Variants in MAP3K13 observed in about 807,000 individuals in gnomAD.
The protein encoded by MAP3K13 is leucine zipper-bearing kinase.
Under a neutral mutation model 104.0 loss-of-function variants are expected in MAP3K13, and 52 were observed. That is an observed-to-expected ratio of 0.50 (90% CI 0.40 to 0.63). The LOEUF is 0.63. Ranked by LOEUF, MAP3K13 falls within the 20% of genes least tolerant of loss-of-function variation. MAP3K13 has a pLI of 0.00. For missense variants in MAP3K13, 914 were observed against 1,218.5 expected (o/e 0.75, Z 3.72); for synonymous variants, 394 against 442.2 (o/e 0.89, Z 1.37).
intron 2 of MAP3K13, among the ~76,000 whole-genome samples, chr3:185,352,573 TAAA>T (rs1723175789): frequency 1.3e-5 from 2 of 152,220 alleles, no homozygotes; most frequent in African/African-American, 4.8e-5. Flanking sequence ...TTTAAGCCAC[TAAA>T]ACAATTTTTA....
chr3:185,297,772 G>A (rs1287959821), intron 2 of MAP3K13, among the ~76,000 whole-genome samples: 1 of 151,012 alleles, frequency 6.6e-6, no homozygotes, highest in African/African-American at 2.4e-5. Flanking sequence ...AAAAGAAACA[G>A]GTTCTTATGT....
rs74919939 is a variant in MAP3K13, at chr3:185,364,363, C to G, written c.-86+995C>G. On this transcript the variant is annotated intron_variant, in intron 1 of 13. Transcript: ENST00000265026. ...CTGCCCCTGGGGCAGCTCCTCAACC[C>G]GAATAATCTGACAGCATTTCCCAAC... Among the ~76,000 whole-genome samples, 6 of 152,066 alleles carry G rather than the reference C, an allele frequency of 3.9e-5. No homozygotes were observed. The South Asian group carries it at 1.2e-3, about 32-fold the overall frequency.
At chr3:185,328,242 A>G (rs1425227382) in intron 2 of MAP3K13, among the ~76,000 whole-genome samples, 1 of 152,190 alleles carries the variant, frequency 6.6e-6, no homozygotes, top group East Asian at 1.9e-4. Context: ...GGGGAGGACT[A>G]TAGTGGAGAA....
At chr3:185,377,947 C>T (rs1399008577) in intron 1 of MAP3K13, among the ~76,000 whole-genome samples, 1 of 152,142 alleles carries the variant, frequency 6.6e-6, no homozygotes, top group Non-Finnish European at 1.5e-5. Context: ...GAATCCCGGG[C>T]TGCGGGCATT....
chr3:185,293,119 T>C (rs1216036637), intron 2 of MAP3K13: 3 of 875,234 alleles, frequency 3.4e-6, no homozygotes, highest in African/African-American at 3.6e-5. Flanking sequence ...CTTTTCCTTT[T>C]TCTTTTTCTT....
chr3:185,396,137 G>A (rs1008973872), intron 1 of MAP3K13, among the ~76,000 whole-genome samples: 1 of 152,128 alleles, frequency 6.6e-6, no homozygotes, highest in Admixed American at 6.5e-5. Context: ...TTGGGAGGCT[G>A]AGGCGGGTAG....
chr3:185,369,768 T>C (rs889099298), intron 1 of MAP3K13, among the ~76,000 whole-genome samples: 7 of 152,258 alleles, frequency 4.6e-5, no homozygotes, highest in Non-Finnish European at 2.9e-5. Flanking sequence ...CCTTGGTGTA[T>C]AGTAAAGTTT....
chr3:185,460,661 C>G (rs752655888), intron 7 of MAP3K13, among the ~76,000 whole-genome samples: 2 of 152,128 alleles, frequency 1.3e-5, no homozygotes, highest in Non-Finnish European at 2.9e-5. Flanking sequence ...AAATGGAACT[C>G]GAAATCAACA....
chr3:185,451,443 T>G (rs1481093173), intron 7 of MAP3K13, 48 bp downstream of exon 7: 3 of 1,258,390 alleles, frequency 2.4e-6, no homozygotes. Flanking sequence ...GATAGAGAAC[T>G]CTCAATGAAA....
chr3:185,477,602 C>G (rs1235845376), intron 12 of MAP3K13, among the ~76,000 whole-genome samples: 2 of 152,340 alleles, frequency 1.3e-5, no homozygotes, highest in Non-Finnish European at 2.9e-5. Context: ...ATTCATTTTA[C>G]AGCAACTTCA....
chr3:185,413,548 G>C (rs529448588), intron 1 of MAP3K13, among the ~76,000 whole-genome samples: 1 of 152,144 alleles, frequency 6.6e-6, no homozygotes, highest in East Asian at 1.9e-4. Context: ...GGGGCTGGGC[G>C]CGGTGGTTCA....
chr3:185,328,998 T>G, intron 2 of MAP3K13: 1 of 475,794 alleles, frequency 2.1e-6, no homozygotes, highest in East Asian at 3.1e-5. Flanking sequence ...TATTATGACA[T>G]TTTCATATAA....
In MAP3K13 at chr3:185,450,288, A is replaced by C. The variant is rs1715811240; in HGVS notation, c.1169+230A>C. Among the ~76,000 whole-genome samples the C allele has an allele frequency of 6.6e-6, 1 of 152,190 alleles. No homozygotes were observed. Among genetic ancestry groups the C allele is most frequent in the Non-Finnish European group, 1.5e-5 (1 of 68,030 alleles). ...GAGTTATTGTGTTGTAATTAATTAA[A>C]ATTTAGAAATAAAGAACTTGGTGTT... On this transcript the variant is annotated intron_variant, in intron 6 of 13. Coordinates refer to ENST00000265026, the MANE Select transcript of MAP3K13 (RefSeq NM_004721.5). The surrounding 1 kb of genome is among the most constrained non-coding windows in gnomAD (Gnocchi z 4.2).
At chr3:185,357,098 G>GT (rs1205660915) in intron 2 of MAP3K13, among the ~76,000 whole-genome samples, 1,586 of 147,248 alleles carry the variant, frequency 0.011, 20 homozygotes, top group African/African-American at 0.033. Flanking sequence ...GAGTTAAGAA[G>GT]TTTTTTTTTT....
intron 4 of MAP3K13, among the ~76,000 whole-genome samples, chr3:185,445,950 A>G (rs1560110356): frequency 6.6e-6 from 1 of 152,126 alleles, no homozygotes. Flanking sequence ...CAATTCTCCA[A>G]TTCTCTCATA....
At chr3:185,456,171 G>A (rs1716732102) in intron 7 of MAP3K13, among the ~76,000 whole-genome samples, 1 of 151,882 alleles carries the variant, frequency 6.6e-6, no homozygotes, top group South Asian at 2.1e-4. Context: ...GAGTTCCTAA[G>A]AAATGATAAA....
At chr3:185,465,233 C>T (rs1717344405) in intron 8 of MAP3K13, among the ~76,000 whole-genome samples, 2 of 152,164 alleles carry the variant, frequency 1.3e-5, no homozygotes, top group South Asian at 2.1e-4. Context: ...GCCTCAGCCT[C>T]CCAAAATGCT....
intron 1 of MAP3K13, among the ~76,000 whole-genome samples, chr3:185,410,785 A>AT (rs2108785543): frequency 6.6e-6 from 1 of 152,170 alleles, no homozygotes; most frequent in Non-Finnish European, 1.5e-5. Flanking sequence ...AAATACAAAA[A>AT]TTAGCCAGGC....
chr3:185,482,508 C>T lies in MAP3K13; in HGVS notation c.*52C>T, dbSNP rs757320181. On this transcript the variant is annotated 3_prime_UTR_variant, in exon 14 of 14. Transcript: ENST00000265026. This position sits in a 1 kb window ranked among gnomAD's most constrained non-coding sequence, Gnocchi z 4.5. ...CGTGACTATACTGGCATTTCAGATC[C>T]ACCCCACCCCCAGACTCATCCCACT... 7.4e-7 allele frequency: 1 copy of T among 1,353,430 alleles called. No individual in the cohort carries two copies. The highest frequency in any genetic ancestry group is 1.2e-5 in the South Asian group (1 of 85,394). 83.8% of individuals were successfully genotyped at this position (1,353,430 alleles called of 1,614,324 possible).
Sources: gnomAD v4.1 joint callset for allele counts (sites outside exome capture counted in the v4.1 genomes callset) on GRCh38, gnomAD v4.1.1 for gene constraint, Gnocchi (gnomAD v3.1) non-coding constraint, MANE v1.5 for transcripts, NCBI Gene and HGNC (gene_info 2026-07-23, HGNC 2026-07-21) for gene names.